EBAG9: variants seen among roughly 807,000 people sequenced by gnomAD.
EBAG9 encodes the protein estrogen receptor binding site associated antigen 9.
Under a neutral mutation model 30.9 loss-of-function variants are expected in EBAG9, and 16 were observed. That is an observed-to-expected ratio of 0.52 (90% CI 0.35 to 0.79). The LOEUF (loss-of-function observed/expected upper bound fraction) is 0.79. EBAG9 is among the 30% of genes least tolerant of loss of function. The probability of loss-of-function intolerance (pLI) is 0.01; values close to 1 mark genes in which losing one functional copy is unlikely to be tolerated. For missense variants in EBAG9, 197 were observed against 242.1 expected (o/e 0.81, Z 1.24); for synonymous variants, 93 against 82.8 (o/e 1.12, Z -0.67).
intron 1 of EBAG9, among the ~76,000 whole-genome samples, chr8:109,542,948 A>G (rs1487984871): frequency 6.6e-6 from 1 of 152,108 alleles, no homozygotes; most frequent in East Asian, 1.9e-4. Flanking sequence ...GATAGATTAC[A>G]GTGGAAATAG....
chr8:109,562,553 T>C (rs796164456), intron 6 of EBAG9, among the ~76,000 whole-genome samples: 5 of 152,104 alleles, frequency 3.3e-5, no homozygotes, highest in African/African-American at 1.2e-4. Flanking sequence ...GTTGCCACTA[T>C]AAATAATGCC....
At chr8:109,545,283 T>C (rs1821359765) in intron 1 of EBAG9, among the ~76,000 whole-genome samples, 1 of 120,514 alleles carries the variant, frequency 8.3e-6, no homozygotes, top group Non-Finnish European at 1.6e-5. Context: ...GATTGCACCA[T>C]GGCACTCCAG....
intron 3 of EBAG9, 98 bp downstream of exon 3, chr8:109,554,041 A>G: frequency 1.3e-6 from 1 of 799,110 alleles, no homozygotes; most frequent in Non-Finnish European, 1.8e-6. Flanking sequence ...CAGATCATTA[A>G]TAGAAATTAA....
chr8:109,544,928 A>AAATATATGCAGTACATATATAGTATAC (rs1821352483), intron 1 of EBAG9, among the ~76,000 whole-genome samples: 2 of 152,132 alleles, frequency 1.3e-5, no homozygotes, highest in African/African-American at 4.8e-5. Context: ...TTATTAGGGT[A>AAATATATGCAGTACATATATAGTATAC]AATATATGCA....
chr8:109,540,515 A>G lies in EBAG9; in HGVS notation c.-16+54A>G, dbSNP rs1821251520. 4.6e-5 allele frequency: 7 copies of G among 152,038 alleles called. No individual in the cohort carries two copies. In the South Asian group the frequency reaches 1.5e-3, roughly 32 times the overall value. 9.4% of individuals were successfully genotyped at this position (152,038 alleles called of 1,614,324 possible). ...CACGTGGGTAATCTGAAATGAAACC[A>G]CTTAAGTTATGAAACTCTTTCCTTT... On this transcript the variant is annotated intron_variant, in intron 1 of 6. Coordinates refer to ENST00000337573, the MANE Select transcript of EBAG9 (RefSeq NM_004215.5).
intron 2 of EBAG9, among the ~76,000 whole-genome samples, chr8:109,551,447 C>T (rs918801832): frequency 2.9e-4 from 44 of 152,244 alleles, no homozygotes; most frequent in African/African-American, 1.1e-3. Flanking sequence ...TGTTTTGTCA[C>T]ACGATCATAC....
chr8:109,560,968 A>G (rs1308785392), intron 6 of EBAG9, 39 bp downstream of exon 6: 4 of 1,552,012 alleles, frequency 2.6e-6, no homozygotes, highest in East Asian at 2.3e-5. Context: ...TGAGTAGAAG[A>G]ACTAGATTTC....
chr8:109,553,518 T>G (rs1048909563), intron 2 of EBAG9, among the ~76,000 whole-genome samples: 1 of 152,184 alleles, frequency 6.6e-6, no homozygotes, highest in Non-Finnish European at 1.5e-5. Flanking sequence ...ACAGCAAAGG[T>G]GGCCCAGAAC....
chr8:109,545,639 A>G (rs991504546), intron 1 of EBAG9, among the ~76,000 whole-genome samples: 3 of 152,204 alleles, frequency 2.0e-5, no homozygotes, highest in Non-Finnish European at 4.4e-5. Flanking sequence ...CTGGGACTAC[A>G]GACGTGAGCC....
At chr8:109,562,700 A>C (rs1361599871) in intron 6 of EBAG9, among the ~76,000 whole-genome samples, 2 of 151,736 alleles carry the variant, frequency 1.3e-5, no homozygotes, top group Non-Finnish European at 1.5e-5. Flanking sequence ...TTTTTGATAC[A>C]GATTGGGTAT....
intron 4 of EBAG9, among the ~76,000 whole-genome samples, chr8:109,555,299 T>C (rs1194291388): frequency 1.3e-5 from 2 of 152,136 alleles, no homozygotes; most frequent in African/African-American, 2.4e-5. Context: ...CATGTCCCTA[T>C]GGAGGACATG....
At chr8:109,546,285 T>G (rs1821382040) in intron 1 of EBAG9, among the ~76,000 whole-genome samples, 2 of 150,692 alleles carry the variant, frequency 1.3e-5, no homozygotes, top group South Asian at 2.1e-4. Context: ...TAACAGCTCT[T>G]TTGAGCTCTA....
chr8:109,553,842 A>G (rs1563655478), intron 2 of EBAG9, 23 bp from the exon 3 acceptor site: 4 of 1,589,290 alleles, frequency 2.5e-6, no homozygotes, highest in Non-Finnish European at 3.4e-6. Context: ...TTCTTGAAAT[A>G]AATTATTTCA....
At chr8:109,556,352 G>A (rs1821597905) in intron 4 of EBAG9, among the ~76,000 whole-genome samples, 1 of 152,010 alleles carries the variant, frequency 6.6e-6, no homozygotes. Context: ...ATGTCTCAAT[G>A]CTAAAACACA....
At chr8:109,557,450 G>A (rs942518369) in intron 5 of EBAG9, among the ~76,000 whole-genome samples, 1 of 152,104 alleles carries the variant, frequency 6.6e-6, no homozygotes, top group African/African-American at 2.4e-5. Context: ...CTTTTTAAAG[G>A]AAAAATTTAT....
At chr8:109,561,685 A>G (rs1821713664) in intron 6 of EBAG9, among the ~76,000 whole-genome samples, 1 of 151,988 alleles carries the variant, frequency 6.6e-6, no homozygotes, top group South Asian at 2.1e-4. Context: ...TTTTATTTTA[A>G]AATTGAGATT....
intron 6 of EBAG9, chr8:109,563,552 G>T: frequency 6.4e-7 from 1 of 1,571,636 alleles, no homozygotes; most frequent in Admixed American, 1.8e-5. Context: ...ATTTCACAAA[G>T]TATGATTAGT....
chr8:109,556,596 G>C (rs981631391), intron 4 of EBAG9, among the ~76,000 whole-genome samples: 1 of 152,098 alleles, frequency 6.6e-6, no homozygotes, highest in African/African-American at 2.4e-5. Flanking sequence ...CACATGCTGA[G>C]AGAGTTGTTA....
rs762419202 is a variant in EBAG9 at position 109,563,532 on chromosome 8, A to AC, written c.522-906dup. On this transcript the variant is annotated intron_variant, in intron 6 of 6. Coordinates refer to ENST00000337573, the MANE Select transcript of EBAG9 (RefSeq NM_004215.5). ...AGTGGAGTTACGGAAAGAGTAAGGA[A>AC]CAGGTATGTATTTCACAAAGTATGA... 5 of 1,595,670 alleles carry AC rather than the reference A, an allele frequency of 3.1e-6. No homozygotes were observed. The Admixed American group carries it at 8.4e-5, about 27-fold the overall frequency.
Sources: allele counts gnomAD v4.1 joint callset (sites outside exome capture counted in the v4.1 genomes callset), GRCh38; gene constraint gnomAD v4.1.1; transcripts MANE v1.5; gene names NCBI Gene and HGNC (gene_info 2026-07-23, HGNC 2026-07-21).